The following ABTB2 variants were observed in gnomAD, a reference collection of about 807,000 sequenced individuals.
ABTB2 encodes ankyrin repeat and BTB domain containing 2.
ABTB2 carries 56 observed loss-of-function variants against 104.1 expected under a neutral mutation model. The observed-to-expected ratio is 0.54, with a 90% confidence interval of 0.43 to 0.67. The LOEUF (loss-of-function observed/expected upper bound fraction) is 0.67. Among genes scored for constraint, ABTB2 ranks in the 30% least tolerant of loss-of-function variants. The pLI, the probability that ABTB2 is intolerant of heterozygous loss-of-function variation, is 0.00. For synonymous variants in ABTB2, 606 were observed against 608.2 expected (o/e 1.00, Z 0.05); for missense variants, 1,279 against 1,407.7 (o/e 0.91, Z 1.46).
intron 3 of ABTB2, among the ~76,000 whole-genome samples, chr11:34,175,467 T>A (rs1852948952): frequency 6.6e-6 from 1 of 152,234 alleles, no homozygotes; most frequent in African/African-American, 2.4e-5. Context: ...GAATACTGTA[T>A]GAAAGTGAAA....
chr11:34,306,258 T>TTC (rs2133101984), intron 1 of ABTB2, among the ~76,000 whole-genome samples: 1 of 139,034 alleles, frequency 7.2e-6, no homozygotes, highest in Non-Finnish European at 1.5e-5. Context: ...TTTTTTTTTT[T>TTC]TTTTTTTGAG....
In ABTB2 at chr11:34,204,093, G is replaced by A. The variant is rs938408827; in HGVS notation, c.1030+451C>T. 3.3e-5 allele frequency among the ~76,000 whole-genome samples: 5 copies of A among 152,172 alleles called. No individual in the cohort carries two copies. The South Asian group carries it at 8.3e-4, about 25-fold the overall frequency. Reference sequence around the variant, plus strand: ...CTGGCCACACCTGCCTTCAGCCAGAGGGGCTCTATTGTTATCTTCCTTTTA... The same window carrying A: ...CTGGCCACACCTGCCTTCAGCCAGAAGGGCTCTATTGTTATCTTCCTTTTA... On this transcript the variant is annotated intron_variant, in intron 2 of 16. Transcript: ENST00000435224.
At chr11:34,296,548 G>A (rs1250268713) in intron 1 of ABTB2, among the ~76,000 whole-genome samples, 7 of 152,160 alleles carry the variant, frequency 4.6e-5, no homozygotes, top group African/African-American at 1.7e-4. Flanking sequence ...GAAGTGAGTA[G>A]GTCAAGGAAT....
At chr11:34,240,929 A>G (rs921271298) in intron 1 of ABTB2, among the ~76,000 whole-genome samples, 1 of 151,564 alleles carries the variant, frequency 6.6e-6, no homozygotes, top group Non-Finnish European at 1.5e-5. Context: ...CTTCTTTTTA[A>G]TTTTTTTTCT....
intron 1 of ABTB2, among the ~76,000 whole-genome samples, chr11:34,244,268 T>C (rs1194345260): frequency 6.6e-6 from 1 of 151,736 alleles, no homozygotes; most frequent in Non-Finnish European, 1.5e-5. Context: ...ACTTAGGAGA[T>C]AAGAAGGCAA....
chr11:34,251,388 G>C (rs1266603155), intron 1 of ABTB2, among the ~76,000 whole-genome samples: 2 of 152,124 alleles, frequency 1.3e-5, no homozygotes, highest in Admixed American at 6.5e-5. Flanking sequence ...CTCCAAAGGG[G>C]GACCACACAG....
intron 1 of ABTB2, among the ~76,000 whole-genome samples, chr11:34,333,552 T>A (rs10836185): frequency 0.1 from 15,534 of 152,146 alleles, 1,082 homozygotes; most frequent in African/African-American, 0.19. Flanking sequence ...GGTTAAGAGT[T>A]CAAGACCAGC....
intron 1 of ABTB2, among the ~76,000 whole-genome samples, chr11:34,324,333 G>A (rs1198000736): frequency 6.6e-6 from 1 of 152,162 alleles, no homozygotes. Flanking sequence ...TGCCAGACAA[G>A]TTTCCAGCCC....
chr11:34,234,464 T>A (rs116651929), intron 1 of ABTB2, among the ~76,000 whole-genome samples: 1,577 of 152,200 alleles, frequency 0.01, 27 homozygotes, highest in African/African-American at 0.037. Flanking sequence ...ATAACAAGAC[T>A]AACTACTCAC....
chr11:34,276,083 G>C (rs1247865017), intron 1 of ABTB2, among the ~76,000 whole-genome samples: 1 of 152,086 alleles, frequency 6.6e-6, no homozygotes, highest in Non-Finnish European at 1.5e-5. Context: ...AGTGTGGGAG[G>C]GCTTTGAATT....
At chr11:34,290,631 C>T (rs1397253114) in intron 1 of ABTB2, among the ~76,000 whole-genome samples, 1 of 151,834 alleles carries the variant, frequency 6.6e-6, no homozygotes, top group African/African-American at 2.4e-5. Flanking sequence ...TGCCTGAGGC[C>T]AGGAGTTCAA....
chr11:34,250,249 T>A (rs1854039081), intron 1 of ABTB2, among the ~76,000 whole-genome samples: 1 of 152,072 alleles, frequency 6.6e-6, no homozygotes, highest in East Asian at 1.9e-4. Flanking sequence ...CATTGAAGGT[T>A]TCAGTGCAAG....
At chr11:34,329,664 A>G (rs1333334627) in intron 1 of ABTB2, among the ~76,000 whole-genome samples, 3 of 152,234 alleles carry the variant, frequency 2.0e-5, no homozygotes, top group Admixed American at 6.5e-5. Context: ...TGCTGCAGCT[A>G]GTTTGCAACC....
At chr11:34,237,614 C>T (rs188021919) in intron 1 of ABTB2, among the ~76,000 whole-genome samples, 27 of 152,186 alleles carry the variant, frequency 1.8e-4, no homozygotes, top group African/African-American at 5.8e-4. Flanking sequence ...AGTAAGAACC[C>T]ACTAAAGGCC....
chr11:34,175,466 ATGAAAG>A (rs1467884915), intron 3 of ABTB2, among the ~76,000 whole-genome samples: 1 of 152,254 alleles, frequency 6.6e-6, no homozygotes, highest in African/African-American at 2.4e-5. Context: ...TGAATACTGT[ATGAAAG>A]TGAAACAGAA....
chr11:34,221,721 G>A (rs1853625877), intron 1 of ABTB2, among the ~76,000 whole-genome samples: 2 of 152,234 alleles, frequency 1.3e-5, no homozygotes, highest in Admixed American at 1.3e-4. Context: ...AGTCTGTGGA[G>A]TCCCACTCAC....
chr11:34,172,437 T>TATATAGATAG (rs1554980694), intron 4 of ABTB2, among the ~76,000 whole-genome samples: 2 of 92,462 alleles, frequency 2.2e-5, no homozygotes, highest in Non-Finnish European at 4.2e-5. Flanking sequence ...TGTGTGTGTA[T>TATATAGATAG]ATAGATAGAT....
chr11:34,199,054 G>A (rs1853303329), intron 2 of ABTB2, among the ~76,000 whole-genome samples: 1 of 152,186 alleles, frequency 6.6e-6, no homozygotes, highest in African/African-American at 2.4e-5. Flanking sequence ...GTTCCGTTGT[G>A]TCCCAGAGCC....
intron 5 of ABTB2, among the ~76,000 whole-genome samples, chr11:34,169,230 G>T (rs1288582426): frequency 5.3e-5 from 8 of 152,146 alleles, no homozygotes; most frequent in Admixed American, 5.2e-4. Flanking sequence ...CCGGTGAGGA[G>T]ACACTGCTTT....
Sources: allele counts gnomAD v4.1 joint callset (sites outside exome capture counted in the v4.1 genomes callset), GRCh38; gene constraint gnomAD v4.1.1; transcripts MANE v1.5; gene names NCBI Gene and HGNC (gene_info 2026-07-23, HGNC 2026-07-21).